The following AFG2A variants were observed in gnomAD, a reference collection of about 807,000 sequenced individuals.
AFG2A encodes the protein AAA ATPase AFG2A, also known as ATPase family gene 2 protein homolog A.
At chr4:123,175,638 G>A in the AFG2A span, among the ~76,000 whole-genome samples, 6 of 152,276 alleles carry the variant, frequency 3.9e-5, no homozygotes, top group African/African-American at 1.4e-4. Flanking sequence ...GTGCCATTTC[G>A]TGTACATATT....
the AFG2A span, among the ~76,000 whole-genome samples, chr4:123,052,318 G>T: frequency 2.6e-5 from 4 of 152,098 alleles, no homozygotes; most frequent in African/African-American, 9.7e-5. Context: ...CAGTATCTCT[G>T]TTAAATTTCC....
At chr4:123,001,289 G>C in the AFG2A span, among the ~76,000 whole-genome samples, 1 of 152,176 alleles carries the variant, frequency 6.6e-6, no homozygotes, top group East Asian at 1.9e-4. Context: ...AGGGTTTTTT[G>C]TGTGTCTATT....
At chr4:123,015,307 T>G in the AFG2A span, among the ~76,000 whole-genome samples, 33 of 150,936 alleles carry the variant, frequency 2.2e-4, no homozygotes, top group African/African-American at 7.5e-4. Context: ...AGGTCTCTGG[T>G]TTTCCTATGC....
the AFG2A span, among the ~76,000 whole-genome samples, chr4:123,131,194 T>C: frequency 4.6e-5 from 7 of 152,182 alleles, no homozygotes; most frequent in African/African-American, 1.7e-4. Flanking sequence ...GTCTTTTCTT[T>C]TTATTAACAC....
chr4:123,108,628 G>A, the AFG2A span, among the ~76,000 whole-genome samples: 214 of 152,134 alleles, frequency 1.4e-3, 4 homozygotes, highest in South Asian at 0.028. Context: ...GTTGTAAAAC[G>A]AGTGCCTTTT....
chr4:123,079,745 C>CTTTTT, the AFG2A span, among the ~76,000 whole-genome samples: 450 of 72,622 alleles, frequency 6.2e-3, 4 homozygotes, highest in African/African-American at 7.4e-3. Context: ...TCTTTTCCTT[C>CTTTTT]TTTTTTTTTT....
chr4:122,947,702 A>G, the AFG2A span, among the ~76,000 whole-genome samples: 1 of 152,200 alleles, frequency 6.6e-6, no homozygotes. Context: ...TCCTACCTCT[A>G]AAGGATAACC....
At chr4:122,929,254 G>A in the AFG2A span, 4 of 1,476,308 alleles carry the variant, frequency 2.7e-6, no homozygotes, top group South Asian at 4.6e-5. Context: ...AGAAATATAA[G>A]AGTCACAAAT....
the AFG2A span, among the ~76,000 whole-genome samples, chr4:123,099,710 A>T: frequency 2.0e-5 from 3 of 151,848 alleles, no homozygotes; most frequent in South Asian, 2.1e-4. Context: ...TTAATTTTTT[A>T]AAATACATTT....
chr4:123,271,830 C>G, the AFG2A span, among the ~76,000 whole-genome samples: 1 of 150,854 alleles, frequency 6.6e-6, no homozygotes, highest in South Asian at 2.1e-4. Context: ...CCTGGTCCTA[C>G]AGTTAAAATT....
At chr4:123,126,988 G>A in the AFG2A span, among the ~76,000 whole-genome samples, 2 of 152,216 alleles carry the variant, frequency 1.3e-5, no homozygotes, top group Non-Finnish European at 2.9e-5. Context: ...TGGGAGCCTG[G>A]GGCAGGAGGA....
At chr4:123,258,739 C>T in the AFG2A span, among the ~76,000 whole-genome samples, 428 of 151,586 alleles carry the variant, frequency 2.8e-3, no homozygotes, top group African/African-American at 9.8e-3. Context: ...AAGCCAGAGA[C>T]GAGGAATTTC....
At chr4:122,952,195 G>A in the AFG2A span, among the ~76,000 whole-genome samples, 4 of 152,040 alleles carry the variant, frequency 2.6e-5, no homozygotes, top group Admixed American at 2.0e-4. Flanking sequence ...CCCTTTTTCC[G>A]TAGCTGGGAC....
the AFG2A span, among the ~76,000 whole-genome samples, chr4:123,148,498 A>G: frequency 1.3e-5 from 2 of 152,184 alleles, no homozygotes; most frequent in African/African-American, 4.8e-5. Context: ...TAGCTAGCCT[A>G]TAGCAACTGC....
At chr4:123,084,539 TATAG>T in the AFG2A span, among the ~76,000 whole-genome samples, 4,074 of 151,334 alleles carry the variant, frequency 0.027, 76 homozygotes, top group Non-Finnish European at 0.035. Flanking sequence ...TTTATATATT[TATAG>T]ATATATATCT....
At chr4:122,967,424 A>C in the AFG2A span, among the ~76,000 whole-genome samples, 1 of 152,080 alleles carries the variant, frequency 6.6e-6, no homozygotes, top group Admixed American at 6.6e-5. Flanking sequence ...GAGTAACGGC[A>C]TGTAAAAAAT....
At chr4:123,084,832 T>G in the AFG2A span, among the ~76,000 whole-genome samples, 1 of 152,122 alleles carries the variant, frequency 6.6e-6, no homozygotes, top group Non-Finnish European at 1.5e-5. Context: ...GGTCTCACTC[T>G]GTTGCCAAGG....
At chr4:123,243,756 A>G in the AFG2A span, among the ~76,000 whole-genome samples, 2 of 152,136 alleles carry the variant, frequency 1.3e-5, no homozygotes, top group African/African-American at 4.8e-5. Context: ...TTCAGTTACA[A>G]CCAGGTGTGG....
the AFG2A span, among the ~76,000 whole-genome samples, chr4:123,222,278 T>A: frequency 1.3e-5 from 2 of 152,184 alleles, no homozygotes; most frequent in East Asian, 1.9e-4. Flanking sequence ...CTTTCTTGTG[T>A]GTCTGTTATT....
Sources: allele counts gnomAD v4.1 joint callset (sites outside exome capture counted in the v4.1 genomes callset), GRCh38; gene constraint gnomAD v4.1.1; transcripts MANE v1.5; gene names NCBI Gene and HGNC (gene_info 2026-07-23, HGNC 2026-07-21).